The following PPP2R2B variants were observed in gnomAD, a reference collection of about 807,000 sequenced individuals.
The protein encoded by PPP2R2B is serine/threonine-protein phosphatase 2A 55 kDa regulatory subunit B beta isoform.
In PPP2R2B, 5 loss-of-function variants were observed where a neutral mutation model predicts 46.0. That is an observed-to-expected ratio of 0.11 (90% CI 0.06 to 0.23). PPP2R2B has a LOEUF of 0.23. PPP2R2B is among the 10% of genes least tolerant of loss of function. The pLI is 1.00. For missense variants in PPP2R2B, 367 were observed against 575.0 expected (o/e 0.64, Z 3.70); for synonymous variants, 215 against 206.7 (o/e 1.04, Z -0.34).
chr5:146,978,883 T>C (rs1753037023), intron 1 of PPP2R2B, among the ~76,000 whole-genome samples: 1 of 152,142 alleles, frequency 6.6e-6, no homozygotes, highest in Admixed American at 6.6e-5. Flanking sequence ...TAATAGCCTC[T>C]TAAGTGATAA....
intron 1 of PPP2R2B, among the ~76,000 whole-genome samples, chr5:147,050,311 G>A (rs1756745134): frequency 1.3e-5 from 2 of 152,126 alleles, no homozygotes; most frequent in African/African-American, 2.4e-5. Context: ...TTAAATGTAG[G>A]TGTGCATTTA....
chr5:146,727,073 G>A (rs1751915985), intron 2 of PPP2R2B, among the ~76,000 whole-genome samples: 2 of 152,090 alleles, frequency 1.3e-5, no homozygotes, highest in Non-Finnish European at 2.9e-5. Flanking sequence ...GGTTCTTTTG[G>A]AACTTCATTT....
chr5:146,904,130 T>A (rs1762926240), intron 1 of PPP2R2B, among the ~76,000 whole-genome samples: 1 of 152,096 alleles, frequency 6.6e-6, no homozygotes, highest in African/African-American at 2.4e-5. Context: ...TCTCTCTCAC[T>A]CCTATAGAAC....
chr5:146,867,465 T>C (rs1043926603), intron 2 of PPP2R2B, among the ~76,000 whole-genome samples: 7 of 152,182 alleles, frequency 4.6e-5, no homozygotes, highest in Non-Finnish European at 8.8e-5. Context: ...CAACTATTGG[T>C]CCCAAATGCA....
chr5:146,842,659 A>C (rs1759735195), intron 2 of PPP2R2B, among the ~76,000 whole-genome samples: 1 of 151,994 alleles, frequency 6.6e-6, no homozygotes, highest in Non-Finnish European at 1.5e-5. Context: ...CTCCTCTGGT[A>C]GGCCCCAGTG....
intron 7 of PPP2R2B, among the ~76,000 whole-genome samples, chr5:146,617,743 G>A (rs935647360): frequency 6.0e-5 from 9 of 150,674 alleles, no homozygotes; most frequent in African/African-American, 2.0e-4. Context: ...CACCGAGGCT[G>A]GAGTGCAGTG....
At chr5:146,971,355 T>A (rs141143608) in intron 1 of PPP2R2B, among the ~76,000 whole-genome samples, 3 of 152,220 alleles carry the variant, frequency 2.0e-5, no homozygotes, top group African/African-American at 7.2e-5. Flanking sequence ...AAATATAACA[T>A]GTGTCCCCTT....
At position 146,867,800 on chromosome 5, in the gene PPP2R2B, G is replaced by A. The variant is rs115707705; in HGVS notation, c.70+10202C>T. 8.4e-3 allele frequency among the ~76,000 whole-genome samples: 1,272 copies of A among 152,246 alleles called. 21 individuals are homozygous for A. The highest frequency in any genetic ancestry group is 0.029 in the African/African-American group (1,221 of 41,554). Reference sequence around the variant, plus strand: ...AAAGACATTTGAGAACAAGACTATAGGCTTATACTTCACCATATGCCCCAG... The same window carrying A: ...AAAGACATTTGAGAACAAGACTATAAGCTTATACTTCACCATATGCCCCAG... On this transcript the variant is annotated intron_variant, in intron 2 of 9. Coordinates refer to ENST00000394411, the MANE Select transcript of PPP2R2B (RefSeq NM_181675.4).
intron 2 of PPP2R2B, among the ~76,000 whole-genome samples, chr5:146,869,342 T>C (rs960390788): frequency 6.6e-6 from 1 of 152,198 alleles, no homozygotes; most frequent in African/African-American, 2.4e-5. Context: ...TATACACAGA[T>C]AATCACTGCA....
At chr5:146,960,225 CT>C (rs1342691071) in intron 1 of PPP2R2B, among the ~76,000 whole-genome samples, 1 of 152,052 alleles carries the variant, frequency 6.6e-6, no homozygotes, top group Non-Finnish European at 1.5e-5. Context: ...GTCCCTAGTC[CT>C]TTTTTCTGCT....
intron 2 of PPP2R2B, among the ~76,000 whole-genome samples, chr5:146,828,746 T>G (rs1758737376): frequency 6.6e-6 from 1 of 152,236 alleles, no homozygotes; most frequent in Non-Finnish European, 1.5e-5. Context: ...GAAGAATTTT[T>G]TTCCCCCTCT....
At chr5:146,925,990 A>G (rs953093420) in intron 1 of PPP2R2B, among the ~76,000 whole-genome samples, 4 of 152,196 alleles carry the variant, frequency 2.6e-5, no homozygotes, top group African/African-American at 4.8e-5. Context: ...GTATTTTTAA[A>G]ATAAATTCAA....
chr5:147,023,216 C>T (rs1400543452), intron 1 of PPP2R2B, among the ~76,000 whole-genome samples: 1 of 152,024 alleles, frequency 6.6e-6, no homozygotes, highest in Non-Finnish European at 1.5e-5. Context: ...GAATAATATG[C>T]TGCGACAAGT....
intron 7 of PPP2R2B, among the ~76,000 whole-genome samples, chr5:146,603,868 A>G (rs1772014576): frequency 6.6e-6 from 1 of 152,196 alleles, no homozygotes; most frequent in Non-Finnish European, 1.5e-5. Flanking sequence ...ATAGAGCTGC[A>G]TTTTGAACTC....
intron 1 of PPP2R2B, among the ~76,000 whole-genome samples, chr5:146,963,773 T>C (rs6866184): frequency 0.52 from 78,984 of 152,080 alleles, 22,242 homozygotes; most frequent in Non-Finnish European, 0.64. Flanking sequence ...TTCAAATCCA[T>C]ATTGGTCTGA....
chr5:146,589,567 A>AT lies in PPP2R2B; in HGVS notation c.*379dup, dbSNP rs1770390170. The AT allele has an allele frequency of 6.0e-6, 1 of 167,120 alleles. No homozygotes were observed. Among genetic ancestry groups the AT allele is most frequent in the Non-Finnish European group, 1.3e-5 (1 of 77,618 alleles). The allele number at this position is 167,120 out of a possible 1,614,324, so 10.4% of individuals were successfully genotyped here. ...TTTTTCAATCAAATGGAATTGCTTA[A>AT]TTAAAAAAAACTTATCTCTTTTCTC... On this transcript the variant is annotated 3_prime_UTR_variant, in exon 10 of 10. Transcript: ENST00000394411.
chr5:146,697,203 C>T (rs981953271), intron 4 of PPP2R2B, among the ~76,000 whole-genome samples: 9 of 152,082 alleles, frequency 5.9e-5, no homozygotes, highest in African/African-American at 1.9e-4. Flanking sequence ...TTTTTAAATA[C>T]GAATCCTCTT....
chr5:146,870,037 G>T (rs1324647323), intron 2 of PPP2R2B, among the ~76,000 whole-genome samples: 1 of 152,162 alleles, frequency 6.6e-6, no homozygotes, highest in Non-Finnish European at 1.5e-5. Context: ...CCCTATTAGA[G>T]ACATTTACAG....
intron 7 of PPP2R2B, among the ~76,000 whole-genome samples, chr5:146,615,245 C>T (rs563376995): frequency 1.8e-3 from 129 of 70,884 alleles, no homozygotes; most frequent in African/African-American, 8.9e-3. Context: ...AGTAAACTAT[C>T]GCAAGAACAA....
Sources: allele counts gnomAD v4.1 joint callset (sites outside exome capture counted in the v4.1 genomes callset), GRCh38; gene constraint gnomAD v4.1.1; transcripts MANE v1.5; gene names NCBI Gene and HGNC (gene_info 2026-07-23, HGNC 2026-07-21).